Variants in ATP9A observed in about 807,000 individuals in gnomAD.
The protein encoded by ATP9A is ATPase phospholipid transporting 9A, also known as probable phospholipid-transporting ATPase IIA.
A neutral mutation model predicts 144.1 loss-of-function variants in ATP9A; 52 were observed. The observed-to-expected ratio is 0.36, with a 90% CI of 0.29 to 0.45. ATP9A has a LOEUF of 0.45. ATP9A is among the 20% of genes least tolerant of loss of function. ATP9A has a pLI of 1.00. For missense variants in ATP9A, 947 were observed against 1,392.7 expected, an observed-to-expected ratio of 0.68 and a Z score of 5.09; for synonymous variants, 582 against 557.4, an observed-to-expected ratio of 1.04 and a Z score of -0.62.
chr20:51,707,176 TG>T (rs1401985745), intron 4 of ATP9A, among the ~76,000 whole-genome samples: 15 of 152,168 alleles, frequency 9.9e-5, no homozygotes, highest in African/African-American at 2.2e-4. Flanking sequence ...GTCCCGTACT[TG>T]GTTTAATGCC....
At chr20:51,680,019 C>T (rs2077493373) in intron 9 of ATP9A, among the ~76,000 whole-genome samples, 1 of 151,974 alleles carries the variant, frequency 6.6e-6, no homozygotes, top group Admixed American at 6.6e-5. Context: ...CACTTGAGGT[C>T]AGAAGTTCGA....
intron 8 of ATP9A, among the ~76,000 whole-genome samples, chr20:51,689,530 A>T (rs1424111946): frequency 3.4e-5 from 5 of 146,638 alleles, no homozygotes; most frequent in Non-Finnish European, 7.6e-5. Flanking sequence ...GTTGACCCAT[A>T]TTCCTAAAAT....
At chr20:51,676,082 G>C (rs771609869) in intron 10 of ATP9A, 50 bp downstream of exon 10, 2 of 1,462,702 alleles carry the variant, frequency 1.4e-6, no homozygotes, top group Admixed American at 1.8e-5. Context: ...TCACCCACCA[G>C]AACCAACCAG....
At chr20:51,607,736 G>A in intron 25 of ATP9A, 152 bp from the exon 26 acceptor site, 1 of 614,564 alleles carries the variant, frequency 1.6e-6, no homozygotes, top group Non-Finnish European at 2.9e-6. Context: ...ACACATTGGA[G>A]GAATTATTTC....
At chr20:51,726,016 C>T (rs1205709) in intron 2 of ATP9A, 84 bp from the exon 3 acceptor site, 844,844 of 870,728 alleles carry the variant, frequency 0.97, 409,999 homozygotes, top group East Asian at 1. Context: ...TGAATAACAT[C>T]TAAAAACATT....
intron 9 of ATP9A, among the ~76,000 whole-genome samples, chr20:51,686,459 C>CAA (rs546663321): frequency 6.7e-6 from 1 of 149,462 alleles, no homozygotes; most frequent in Non-Finnish European, 1.5e-5. Flanking sequence ...AAAAAACAAA[C>CAA]AAAAAACTGC....
At chr20:51,614,083 G>C (rs1263257557) in intron 22 of ATP9A, among the ~76,000 whole-genome samples, 1 of 152,114 alleles carries the variant, frequency 6.6e-6, no homozygotes, top group Non-Finnish European at 1.5e-5. Context: ...CTAATACTTT[G>C]GGAGTTCAGC....
intron 9 of ATP9A, among the ~76,000 whole-genome samples, chr20:51,688,289 C>A (rs2077532264): frequency 6.6e-6 from 1 of 152,118 alleles, no homozygotes; most frequent in African/African-American, 2.4e-5. Flanking sequence ...CAGTGTCATC[C>A]CAGCACTGAA....
At chr20:51,710,376 C>A (rs1172818402) in intron 4 of ATP9A, among the ~76,000 whole-genome samples, 1 of 152,134 alleles carries the variant, frequency 6.6e-6, no homozygotes, top group East Asian at 1.9e-4. Flanking sequence ...ATACTTATTT[C>A]ATTTTGCTTT....
rs1394676137 is a variant in ATP9A at position 51,696,160 on chromosome 20, A to G, written c.496-16T>C. 18 of 1,611,970 alleles carry G rather than the reference A, an allele frequency of 1.1e-5. No homozygotes were observed. Among genetic ancestry groups the G allele is most frequent in the Non-Finnish European group, 1.5e-5 (18 of 1,178,072 alleles). On this transcript the variant is annotated splice_polypyrimidine_tract_variant and intron_variant, in intron 5 of 27. Transcript: ENST00000338821. ...CCCGCTGGTTCTGTGTTATGAAAAG[A>G]AAGACTGTTACTGTGAATGAATGAC...
chr20:51,692,519 C>G (rs1401399402), intron 7 of ATP9A, among the ~76,000 whole-genome samples: 1 of 152,036 alleles, frequency 6.6e-6, no homozygotes, highest in African/African-American at 2.4e-5. Flanking sequence ...CCTGGAGAGC[C>G]CCTGGGAGGT....
chr20:51,679,144 C>T lies in ATP9A; in HGVS notation c.800-2936G>A, dbSNP rs191580334. 8.0e-3 allele frequency among the ~76,000 whole-genome samples: 1,219 copies of T among 151,460 alleles called. 15 individuals carry two copies. Among genetic ancestry groups the T allele is most frequent in the Non-Finnish European group, 0.013 (903 of 67,842 alleles). ...TTTGAGACCAGCCTGGCCAACATGG[C>T]GAAACCCCATCTCTACTAAAAATAT... is the stretch of plus-strand genomic sequence containing the variant. On this transcript the variant is annotated intron_variant, in intron 9 of 27. Coordinates refer to ENST00000338821, the MANE Select transcript of ATP9A (RefSeq NM_006045.3).
chr20:51,605,898 G>A (rs550272790), intron 26 of ATP9A, among the ~76,000 whole-genome samples: 1 of 149,526 alleles, frequency 6.7e-6, no homozygotes, highest in African/African-American at 2.5e-5. Flanking sequence ...GGGTGATACA[G>A]CAAGACTCTG....
chr20:51,708,426 A>G (rs1283797237), intron 4 of ATP9A, among the ~76,000 whole-genome samples: 1 of 152,028 alleles, frequency 6.6e-6, no homozygotes, highest in Non-Finnish European at 1.5e-5. Flanking sequence ...ATTAATGAGG[A>G]TTTTAATTCA....
At chr20:51,713,892 A>G (rs1930855864) in intron 3 of ATP9A, among the ~76,000 whole-genome samples, 1 of 152,166 alleles carries the variant, frequency 6.6e-6, no homozygotes. Flanking sequence ...GCTTCAGCCT[A>G]TCTGTAATGT....
chr20:51,767,232 A>G (rs1009528742), intron 1 of ATP9A, among the ~76,000 whole-genome samples: 3 of 151,826 alleles, frequency 2.0e-5, no homozygotes, highest in African/African-American at 7.3e-5. Flanking sequence ...AGGGCGGAGC[A>G]GAGCGGCCGC....
At chr20:51,674,830 T>G (rs1016008710) in intron 10 of ATP9A, among the ~76,000 whole-genome samples, 26 of 152,100 alleles carry the variant, frequency 1.7e-4, no homozygotes, top group African/African-American at 6.3e-4. Context: ...ATTTTATTAT[T>G]TATTTATTTA....
intron 1 of ATP9A, among the ~76,000 whole-genome samples, chr20:51,742,349 C>G (rs1338610916): frequency 6.6e-6 from 1 of 150,460 alleles, no homozygotes; most frequent in Non-Finnish European, 1.5e-5. Context: ...AAGATAACTT[C>G]ATGCCATTAC....
At chr20:51,676,761 G>A (rs1036962142) in intron 9 of ATP9A, among the ~76,000 whole-genome samples, 1 of 151,942 alleles carries the variant, frequency 6.6e-6, no homozygotes, top group African/African-American at 2.4e-5. Flanking sequence ...TTACAGGCAT[G>A]AGCCACCACG....
Sources: gnomAD v4.1 joint callset for allele counts (sites outside exome capture counted in the v4.1 genomes callset) on GRCh38, gnomAD v4.1.1 for gene constraint, MANE v1.5 for transcripts, NCBI Gene and HGNC (gene_info 2026-07-23, HGNC 2026-07-21) for gene names.